NIN: variants seen among roughly 807,000 people sequenced by gnomAD.
NIN encodes glycogen synthase kinase 3 beta-interacting protein.
In NIN, 137 loss-of-function variants were observed where a neutral mutation model predicts 257.6. That is an observed-to-expected ratio of 0.53 (90% CI 0.46 to 0.61). The LOEUF (loss-of-function observed/expected upper bound fraction) is 0.61, where lower values mean the gene tolerates loss of function less well. Ranked by LOEUF, NIN falls within the 20% of genes least tolerant of loss-of-function variation. NIN has a pLI of 0.00. For synonymous variants in NIN, 918 were observed against 919.8 expected (o/e 1.00, Z 0.04); for missense variants, 2,439 against 2,501.2 (o/e 0.98, Z 0.53).
At chr14:50,776,753 G>A (rs1236144833) in intron 7 of NIN, among the ~76,000 whole-genome samples, 196 bp downstream of exon 7, 1 of 152,178 alleles carries the variant, frequency 6.6e-6, no homozygotes, top group African/African-American at 2.4e-5. Flanking sequence ...CTGGGTAAGT[G>A]TCAGCTCTTG....
chr14:50,740,940 A>C (rs2140489377), intron 25 of NIN, among the ~76,000 whole-genome samples: 1 of 152,362 alleles, frequency 6.6e-6, no homozygotes, highest in Non-Finnish European at 1.5e-5. Flanking sequence ...TGACTTATTA[A>C]AATGAGACAC....
chr14:50,806,729 G>T lies in NIN; in HGVS notation c.265+8C>A. Reference sequence around the variant, plus strand: ...GGGAAGGCAGAGAAGAGAAGTGAGTGACCTTACCTGGTTCTTGAAAGTGTT... The same window carrying T: ...GGGAAGGCAGAGAAGAGAAGTGAGTTACCTTACCTGGTTCTTGAAAGTGTT... On this transcript the variant is annotated splice_region_variant and intron_variant, in intron 4 of 30. Coordinates refer to ENST00000530997, the MANE Select transcript of NIN (RefSeq NM_020921.4). 6.6e-7 allele frequency: 1 copy of T among 1,518,738 alleles called. No homozygotes were observed. Among genetic ancestry groups the T allele is most frequent in the South Asian group, 1.1e-5 (1 of 87,312 alleles). The allele number at this position is 1,518,738 out of a possible 1,614,324, so 94.1% of individuals were successfully genotyped here.
At chr14:50,737,025 C>T (rs888898962) in intron 27 of NIN, among the ~76,000 whole-genome samples, 5 of 152,164 alleles carry the variant, frequency 3.3e-5, no homozygotes, top group African/African-American at 1.2e-4. Flanking sequence ...CAAGAGGCCT[C>T]AAAGAGCCCC....
intron 18 of NIN, among the ~76,000 whole-genome samples, 158 bp from the exon 19 acceptor site, chr14:50,755,025 A>C (rs1262984625): frequency 6.6e-6 from 1 of 152,244 alleles, no homozygotes; most frequent in Non-Finnish European, 1.5e-5. Flanking sequence ...GAGTTATGAC[A>C]TATTGACACA....
chr14:50,783,777 G>A (rs1233365580), intron 5 of NIN, among the ~76,000 whole-genome samples: 1 of 152,066 alleles, frequency 6.6e-6, no homozygotes, highest in Non-Finnish European at 1.5e-5. Flanking sequence ...AAGGCTAGGG[G>A]GATTAAATCA....
At chr14:50,810,747 G>A (rs985365328) in intron 3 of NIN, among the ~76,000 whole-genome samples, 15 of 151,318 alleles carry the variant, frequency 9.9e-5, no homozygotes, top group African/African-American at 1.5e-4. Context: ...CGCAAGCTCC[G>A]CCTCCTGGGT....
intron 4 of NIN, among the ~76,000 whole-genome samples, chr14:50,798,388 G>T (rs1256680754): frequency 6.6e-6 from 1 of 152,218 alleles, no homozygotes; most frequent in Non-Finnish European, 1.5e-5. Context: ...CCTTGCCCAG[G>T]AGGAAGGCTT....
At position 50,757,761 on chromosome 14, in the gene NIN, C is replaced by G. The variant is rs145736568; in HGVS notation, c.3269G>C (p.Arg1090Thr). The G allele has an allele frequency of 8.7e-6, 14 of 1,614,070 alleles. No individual in the cohort carries two copies. In the African/African-American group the frequency reaches 1.9e-4, roughly 22 times the overall value. ...ENVKMATEIS[R>T]LQQRLQKLEP... ...TAACTTTTGTAGCCTCTGTTGCAAT[C>G]TAGAAATTTCAGTAGCCATTTTCAC... The change falls in exon 18 of 31, where the codon AGA (arginine) becomes ACA (threonine). Residue 1090 changes from arginine to threonine, a missense_variant. Arg to Thr is a moderately conservative substitution (Grantham distance 71, BLOSUM62 -1). This residue lies in a region of NIN where 2,043 missense variants were observed against 2,050.2 expected (regional missense o/e 1.00). Transcript: ENST00000530997.
Position 50,761,891 on chromosome 14 carries a change from T to G in NIN, c.1795A>C (p.Asn599His). 6.2e-7 allele frequency: 1 copy of G among 1,614,194 alleles called. No homozygotes were observed. Among genetic ancestry groups the G allele is most frequent in the Non-Finnish European group, 8.5e-7 (1 of 1,180,022 alleles). The change falls in exon 16 of 31, where the codon AAT becomes CAT. Residue 599 changes from asparagine (N) to histidine (H), a missense_variant. Physicochemically the swap from Asn to His is moderately conservative, Grantham distance 68 (BLOSUM62 1). Around this residue, in one of 3 missense-constraint regions of NIN, gnomAD observed 2,043 missense variants for 2,050.2 expected, o/e 1.00. Transcript: ENST00000530997. Reference protein sequence around the residue: ...PEHGLGSEECNPLNMSIEAEL... With the variant: ...PEHGLGSEECHPLNMSIEAEL... ...GCCTCAATGCTCATATTCAATGGAT[T>G]GCATTCTTCAGAACCGAGCCCTGAA...
At chr14:50,729,994 G>A (rs577684823) in intron 28 of NIN, among the ~76,000 whole-genome samples, 1 of 152,288 alleles carries the variant, frequency 6.6e-6, no homozygotes, top group South Asian at 2.1e-4. Flanking sequence ...TTAAGGGCAC[G>A]ATGTACATAA....
At chr14:50,776,133 G>A (rs1160644855) in intron 7 of NIN, among the ~76,000 whole-genome samples, 1 of 152,028 alleles carries the variant, frequency 6.6e-6, no homozygotes, top group Non-Finnish European at 1.5e-5. Context: ...TTCCCAAAGC[G>A]ACAACTGTAG....
intron 20 of NIN, 45 bp from the exon 21 acceptor site, chr14:50,752,778 G>C: frequency 2.2e-6 from 2 of 898,590 alleles, no homozygotes; most frequent in Non-Finnish European, 1.6e-6. Flanking sequence ...TACCCTACTT[G>C]TGCTAAAAAA....
At chr14:50,785,962 G>GTGCCTTTATCTTTGT (rs1177918691) in intron 5 of NIN, among the ~76,000 whole-genome samples, 1 of 152,214 alleles carries the variant, frequency 6.6e-6, no homozygotes, top group African/African-American at 2.4e-5. Flanking sequence ...ATGCAAATCA[G>GTGCCTTTATCTTTGT]TGCCTTTATC....
At chr14:50,746,112 T>A (rs144882916) in intron 22 of NIN, among the ~76,000 whole-genome samples, 18 of 152,096 alleles carry the variant, frequency 1.2e-4, no homozygotes, top group African/African-American at 3.9e-4. Flanking sequence ...GCTCTGCTCC[T>A]TTCCTTCTGT....
At chr14:50,731,825 AAAAT>A (rs1220335627) in intron 28 of NIN, among the ~76,000 whole-genome samples, 11 of 152,200 alleles carry the variant, frequency 7.2e-5, no homozygotes, top group African/African-American at 2.7e-4. Context: ...ACTCCGTTTA[AAAAT>A]AAATAAATAA....
At chr14:50,798,436 T>C (rs1946868651) in intron 4 of NIN, among the ~76,000 whole-genome samples, 1 of 152,130 alleles carries the variant, frequency 6.6e-6, no homozygotes, top group Admixed American at 6.5e-5. Flanking sequence ...GTGCCTAAGC[T>C]GGTGGATGAG....
intron 5 of NIN, among the ~76,000 whole-genome samples, chr14:50,783,875 A>G (rs1259016322): frequency 6.6e-6 from 1 of 152,164 alleles, no homozygotes; most frequent in Non-Finnish European, 1.5e-5. Flanking sequence ...GCACAGTGGA[A>G]GCCTGGCAGG....
At chr14:50,794,533 GA>G in intron 4 of NIN, 1 of 965,622 alleles carries the variant, frequency 1.0e-6, no homozygotes, top group Non-Finnish European at 1.2e-6. Flanking sequence ...ATGCTAGTCA[GA>G]TAAGAGGCAA....
At chr14:50,827,064 G>A (rs1404210365) in intron 2 of NIN, among the ~76,000 whole-genome samples, 3 of 152,174 alleles carry the variant, frequency 2.0e-5, no homozygotes, top group Non-Finnish European at 4.4e-5. Flanking sequence ...TGGCAAGTCG[G>A]AGCCTAATAA....
Sources: gnomAD v4.1 joint callset for allele counts (sites outside exome capture counted in the v4.1 genomes callset) on GRCh38, gnomAD v4.1.1 for gene constraint, gnomAD v4.1.1 regional missense constraint, MANE v1.5 for transcripts, NCBI Gene and HGNC (gene_info 2026-07-23, HGNC 2026-07-21) for gene names.